DYNC2I1: variants seen among roughly 807,000 people sequenced by gnomAD.
DYNC2I1 encodes dynein 2 intermediate chain 1, also known as cytoplasmic dynein 2 intermediate chain 1.
DYNC2I1 carries 89 observed loss-of-function variants against 133.4 expected under a neutral mutation model. The ratio of observed to expected loss-of-function variants is 0.67; its 90% CI spans 0.56 to 0.80. The LOEUF (loss-of-function observed/expected upper bound fraction) is 0.80, where lower values mean the gene tolerates loss of function less well. DYNC2I1 is among the 30% of genes least tolerant of loss of function. The pLI, the probability that DYNC2I1 is intolerant of heterozygous loss-of-function variation, is 0.00. For missense variants in DYNC2I1, 1,291 were observed against 1,314.5 expected (o/e 0.98, Z 0.28); for synonymous variants, 504 against 484.3 (o/e 1.04, Z -0.54).
chr7:158,889,579 TATA>T (rs1360192421), intron 7 of DYNC2I1, among the ~76,000 whole-genome samples: 1 of 152,168 alleles, frequency 6.6e-6, no homozygotes, highest in Non-Finnish European at 1.5e-5. Flanking sequence ...TAACTAGAAT[TATA>T]ATGTGAGCCA....
At chr7:158,885,476 G>A (rs556662434) in intron 6 of DYNC2I1, among the ~76,000 whole-genome samples, 2 of 152,092 alleles carry the variant, frequency 1.3e-5, no homozygotes, top group South Asian at 4.2e-4. Flanking sequence ...CAAGTAGCTG[G>A]AACTACAGGC....
At chr7:158,879,174 T>G (rs1157227028) in intron 4 of DYNC2I1, among the ~76,000 whole-genome samples, 1 of 152,060 alleles carries the variant, frequency 6.6e-6, no homozygotes, top group Non-Finnish European at 1.5e-5. Flanking sequence ...ATGACATGAA[T>G]AGGGTTTTTC....
the DYNC2I1 span, among the ~76,000 whole-genome samples, chr7:158,840,829 T>G: frequency 2.0e-5 from 3 of 152,040 alleles, no homozygotes. Context: ...CAAGAGCCTG[T>G]GCTGGGGCCG....
Position 158,902,472 on chromosome 7 carries a change from C to T in DYNC2I1, c.1234C>T (p.Gln412Ter). 1 of 1,613,364 alleles carries T rather than the reference C, an allele frequency of 6.2e-7. No individual in the cohort carries two copies. The highest frequency in any genetic ancestry group is 8.5e-7 in the Non-Finnish European group (1 of 1,179,726). ...AAAACTGGAAGAACTTCCTCTAGCT[C>T]AAAAAAAGGAAATACAAGAAATTCA... ...REKLEELPLA[Q>*]KKEIQEIQRA... is the part of the protein sequence containing the mutation. The change falls in exon 10 of 25, where the codon CAA becomes TAA. Residue 412 changes from glutamine to a stop codon, truncating the protein, a stop_gained. Coordinates refer to ENST00000407559, the MANE Select transcript of DYNC2I1 (RefSeq NM_018051.5). LOFTEE classifies it high-confidence loss of function.
chr7:158,911,825 C>A, intron 12 of DYNC2I1, 146 bp downstream of exon 12: 1 of 1,105,636 alleles, frequency 9.0e-7, no homozygotes, highest in Non-Finnish European at 1.3e-6. Flanking sequence ...GGGGACCCAT[C>A]TTCACATGGG....
rs568472338 is a variant in DYNC2I1 at position 158,920,691 on chromosome 7, C to G, written c.1922-1686C>G. ...TTCAAGGAGTGGAGGGTCTTGTTTG[C>G]TTAGTTTTGTGTTCTGGTAAAATGA... On this transcript the variant is annotated intron_variant, in intron 15 of 24. Coordinates refer to ENST00000407559, the MANE Select transcript of DYNC2I1 (RefSeq NM_018051.5). Among the ~76,000 whole-genome samples the G allele has an allele frequency of 1.5e-4, 23 of 152,158 alleles. 1 individual carries two copies. The Middle Eastern group carries it at 0.01, about 68-fold the overall frequency.
chr7:158,908,452 A>T (rs1247342056), intron 11 of DYNC2I1, among the ~76,000 whole-genome samples: 1 of 152,240 alleles, frequency 6.6e-6, no homozygotes, highest in Non-Finnish European at 1.5e-5. Context: ...AAGGTAATTG[A>T]CCAATTGGGA....
Position 158,923,576 on chromosome 7 carries a change from G to A in DYNC2I1, c.2100G>A (p.Thr700=), listed in dbSNP as rs141953924. The A allele has an allele frequency of 5.0e-6, 8 of 1,613,992 alleles. No individual in the cohort carries two copies. In the South Asian group the frequency reaches 5.5e-5, roughly 11 times the overall value. The change falls in exon 17 of 25, where the codon ACG becomes ACA. Residue 700 remains threonine, a synonymous_variant. Transcript: ENST00000407559. ...TCTGTGCCTTTGTCTTTTAGGTCAC[G>A]TGTTGCTGCTTGAGCCCTTTGAAAG... is the stretch of plus-strand genomic sequence containing the variant. ...QKVLICESQV[T]CCCLSPLKAF... is the part of the protein sequence containing the mutation.
chr7:158,856,119 TG>T (rs1235606954), upstream of DYNC2I1, among the ~76,000 whole-genome samples: 2 of 151,532 alleles, frequency 1.3e-5, no homozygotes, highest in African/African-American at 2.4e-5. Flanking sequence ...TTTTTTTTTT[TG>T]TATTTTTAGT....
At chr7:158,885,566 T>C (rs909082253) in intron 6 of DYNC2I1, among the ~76,000 whole-genome samples, 2 of 152,110 alleles carry the variant, frequency 1.3e-5, no homozygotes, top group African/African-American at 4.8e-5. Context: ...GGTCTTGAAC[T>C]CCTGGCCTCA....
chr7:158,906,821 T>C (rs573308295), intron 11 of DYNC2I1, among the ~76,000 whole-genome samples: 48 of 152,356 alleles, frequency 3.2e-4, no homozygotes, highest in African/African-American at 1.1e-3. Flanking sequence ...TATATGGCCT[T>C]CCTTAGTCAG....
At chr7:158,940,659 C>CT (rs1211469397) in intron 23 of DYNC2I1, among the ~76,000 whole-genome samples, 2 of 152,062 alleles carry the variant, frequency 1.3e-5, no homozygotes, top group Non-Finnish European at 2.9e-5. Context: ...TGGAATAGAA[C>CT]TAGAGATCAA....
chr7:158,905,884 G>A lies in DYNC2I1; in HGVS notation c.1358-105G>A, dbSNP rs41271214. ...TTTGTCATTAGTTGAAGGGTTTATT[G>A]ACTATAATTGTTATATATGCCTATA... On this transcript the variant is annotated intron_variant, in intron 10 of 24. Transcript: ENST00000407559. 2,125 of 779,588 alleles carry A rather than the reference G, an allele frequency of 2.7e-3. 8 individuals carry two copies. The highest frequency in any genetic ancestry group is 9.8e-3 in the Middle Eastern group (42 of 4,276). The allele number at this position is 779,588 out of a possible 1,614,324, so 48.3% of individuals were successfully genotyped here. A position where few individuals can be genotyped will look rare whatever the true frequency, so the allele number is the denominator to read the frequency against.
At chr7:158,934,353 A>C in intron 22 of DYNC2I1, 65 bp from the exon 23 acceptor site, 1 of 1,564,298 alleles carries the variant, frequency 6.4e-7, no homozygotes, top group Non-Finnish European at 8.6e-7. Context: ...TTTGAGGAAC[A>C]GTAGCTGTAT....
intron 1 of DYNC2I1, among the ~76,000 whole-genome samples, chr7:158,868,033 G>A (rs1222234276): frequency 2.0e-5 from 3 of 152,214 alleles, no homozygotes; most frequent in South Asian, 2.1e-4. Flanking sequence ...GACTTGAGCC[G>A]AGGTTGCGCC....
At chr7:158,929,261 C>G (rs1253987782) in intron 20 of DYNC2I1, among the ~76,000 whole-genome samples, 1 of 152,226 alleles carries the variant, frequency 6.6e-6, no homozygotes, top group East Asian at 1.9e-4. Flanking sequence ...CAGCCACCAT[C>G]TTTTTATGAA....
At position 158,941,967 on chromosome 7, in the gene DYNC2I1, T is replaced by C. The variant is rs1039947695; in HGVS notation, c.2821T>C (p.Ser941Pro). The C allele has an allele frequency of 1.2e-6, 2 of 1,612,156 alleles. No individual in the cohort carries two copies. The highest frequency in any genetic ancestry group is 1.7e-6 in the Non-Finnish European group (2 of 1,179,234). ...DGSIRLHQLSSAFPLLQWDSS... is the reference protein window; with the variant it reads ...DGSIRLHQLSPAFPLLQWDSS... ...AAGCATCAGGCTGCACCAGCTGAGCTCCGCGTTTCCGCTCCTGCAGTGGGA... is the reference window on the plus strand; with the variant it reads ...AAGCATCAGGCTGCACCAGCTGAGCCCCGCGTTTCCGCTCCTGCAGTGGGA... The change falls in exon 24 of 25, where the codon TCC becomes CCC. Residue 941 changes from serine (S) to proline (P), a missense_variant. Physicochemically the swap from Ser to Pro is moderately conservative, Grantham distance 74. Transcript: ENST00000407559.
intron 24 of DYNC2I1, among the ~76,000 whole-genome samples, chr7:158,944,024 AC>A (rs1250883127): frequency 6.6e-6 from 1 of 152,222 alleles, no homozygotes; most frequent in Non-Finnish European, 1.5e-5. Context: ...GTGCCCAGTT[AC>A]TTTTCTCTGG....
intron 8 of DYNC2I1, among the ~76,000 whole-genome samples, chr7:158,894,002 A>G (rs1406377493): frequency 2.0e-5 from 3 of 152,050 alleles, no homozygotes; most frequent in Non-Finnish European, 4.4e-5. Context: ...CACATATCAT[A>G]CCGTATATCA....
Sources: gnomAD v4.1 joint callset for allele counts (sites outside exome capture counted in the v4.1 genomes callset) on GRCh38, gnomAD v4.1.1 for gene constraint, MANE v1.5 for transcripts, NCBI Gene and HGNC (gene_info 2026-07-23, HGNC 2026-07-21) for gene names.